Variants in HOXA9 observed in about 807,000 individuals in gnomAD.
The protein encoded by HOXA9 is homeobox A9.
A neutral mutation model predicts 19.0 loss-of-function variants in HOXA9; 18 were observed. The observed-to-expected ratio is 0.95, with a 90% confidence interval of 0.65 to 1.40. The LOEUF (loss-of-function observed/expected upper bound fraction) is 1.40, where lower values mean the gene tolerates loss of function less well. Among genes scored for constraint, HOXA9 ranks in the 40% most tolerant of loss-of-function variants. The pLI is 0.00. For synonymous variants in HOXA9, 198 were observed against 161.1 expected, an observed-to-expected ratio of 1.23 and a Z score of -1.73; for missense variants, 443 against 372.2, an observed-to-expected ratio of 1.19 and a Z score of -1.57.
In HOXA9 at chr7:27,162,649, C is replaced by A. The variant is rs1783223327; in HGVS notation, c.*954G>T. 1 of 209,796 alleles carries A rather than the reference C, an allele frequency of 4.8e-6. No homozygotes were observed. The highest frequency in any genetic ancestry group is 9.7e-6 in the Non-Finnish European group (1 of 102,950). 13.0% of individuals were successfully genotyped at this position (209,796 alleles called of 1,614,324 possible). A position where few individuals can be genotyped will look rare whatever the true frequency, so the allele number is the denominator to read the frequency against. On this transcript the variant is annotated 3_prime_UTR_variant, in exon 2 of 2. Transcript: ENST00000343483. ...ATTATCAATAAAATTAACTCCGTTA[C>A]AATCAGCATTCATTTCCTCCAATTA...
intron 1 of HOXA9, among the ~76,000 whole-genome samples, chr7:27,164,672 T>C (rs1783278715): frequency 6.6e-6 from 1 of 152,076 alleles, no homozygotes; most frequent in Non-Finnish European, 1.5e-5. Context: ...CCGCCTCCTC[T>C]CCCGTAGCCC....
At position 27,165,191 on chromosome 7, in the gene HOXA9, G is replaced by A. The variant is rs1232547055; in HGVS notation, c.267C>T (p.His89=). 5 of 1,593,148 alleles carry A rather than the reference G, an allele frequency of 3.1e-6. No individual in the cohort carries two copies. The highest frequency in any genetic ancestry group is 1.7e-5 in the Admixed American group (1 of 57,836). The change falls in exon 1 of 2, where the codon CAC becomes CAT. Residue 89 remains histidine (H), a synonymous_variant. Coordinates refer to ENST00000343483, the MANE Select transcript of HOXA9 (RefSeq NM_152739.4). ...CGGGCGCCTGGGGGTGCACGTAGGGGTGGTGGTGATGGTGGTGGTACACCG... is the reference window on the plus strand; with the variant it reads ...CGGGCGCCTGGGGGTGCACGTAGGGATGGTGGTGATGGTGGTGGTACACCG... ...PAAVYHHHHH[H]PYVHPQAPVA...
intron 1 of HOXA9, among the ~76,000 whole-genome samples, chr7:27,164,205 G>T (rs1231065429): frequency 2.0e-5 from 3 of 152,214 alleles, no homozygotes. Context: ...GCAAGATTAG[G>T]ATTCCTCTGT....
At position 27,163,669 on chromosome 7, in the gene HOXA9, C is replaced by A; in HGVS notation, c.753G>T (p.Lys251Asn). 14 of 1,613,894 alleles carry A rather than the reference C, an allele frequency of 8.7e-6. No individual in the cohort carries two copies. The highest frequency in any genetic ancestry group is 1.2e-5 in the Non-Finnish European group (14 of 1,179,988). The change falls in exon 2 of 2, where the codon AAG (lysine) becomes AAT (asparagine). Residue 251 changes from lysine (K) to asparagine (N), a missense_variant. Physicochemically the swap from Lys to Asn is moderately conservative, Grantham distance 94. Transcript: ENST00000343483. Reference protein sequence around the residue: ...RLLNLTERQVKIWFQNRRMKM... With the variant: ...RLLNLTERQVNIWFQNRRMKM... ...TCATCCTGCGGTTCTGGAACCAGAT[C>A]TTGACCTGCCTCTCGGTGAGGTTGA...
chr7:27,162,627 A>G lies in HOXA9; in HGVS notation c.*976T>C, dbSNP rs1162366011. Reference sequence around the variant, plus strand: ...GCGGTTTCATAGTGTATAATTTATTATCAATAAAATTAACTCCGTTACAAT... The same window carrying G: ...GCGGTTTCATAGTGTATAATTTATTGTCAATAAAATTAACTCCGTTACAAT... On this transcript the variant is annotated 3_prime_UTR_variant, in exon 2 of 2. Transcript: ENST00000343483. The G allele has an allele frequency of 4.8e-6, 1 of 208,616 alleles. No individual in the cohort carries two copies. Among genetic ancestry groups the G allele is most frequent in the East Asian group, 7.3e-5 (1 of 13,730 alleles). The allele number at this position is 208,616 out of a possible 1,614,324, so 12.9% of individuals were successfully genotyped here. A position where few individuals can be genotyped will look rare whatever the true frequency, so the allele number is the denominator to read the frequency against.
chr7:27,164,607 C>T (rs999118425), intron 1 of HOXA9, among the ~76,000 whole-genome samples: 1 of 152,252 alleles, frequency 6.6e-6, no homozygotes, highest in Non-Finnish European at 1.5e-5. Flanking sequence ...AGGAGAGGGG[C>T]GGCCAGTCTT....
rs890555446 is a variant in HOXA9, at chr7:27,163,403, T to C, written c.*200A>G. 11 of 601,482 alleles carry C rather than the reference T, an allele frequency of 1.8e-5. No homozygotes were observed. The Middle Eastern group carries it at 1.3e-3, about 74-fold the overall frequency. The allele number at this position is 601,482 out of a possible 1,614,324, so 37.3% of individuals were successfully genotyped here. On this transcript the variant is annotated 3_prime_UTR_variant, in exon 2 of 2. Transcript: ENST00000343483. ...AAAATGGAAAGCTTACAATACCTCCTCCATCAAAGCGGCAGGCCTACGAGC... is the reference window on the plus strand; with the variant it reads ...AAAATGGAAAGCTTACAATACCTCCCCCATCAAAGCGGCAGGCCTACGAGC...
Position 27,163,353 on chromosome 7 carries a change from C to A in HOXA9, c.*250G>T, listed in dbSNP as rs535353485. ...ACAGCTATCAGCACTAATGCCCCCC[C>A]CTCAACTTTTCCTTTTTCTTATAGA... is the stretch of plus-strand genomic sequence containing the variant. On this transcript the variant is annotated 3_prime_UTR_variant, in exon 2 of 2. Coordinates refer to ENST00000343483, the MANE Select transcript of HOXA9 (RefSeq NM_152739.4). 30 of 488,758 alleles carry A rather than the reference C, an allele frequency of 6.1e-5. No homozygotes were observed. The East Asian group carries it at 9.9e-4, about 16-fold the overall frequency. The allele number at this position is 488,758 out of a possible 1,614,324, so 30.3% of individuals were successfully genotyped here. A position where few individuals can be genotyped will look rare whatever the true frequency, so the allele number is the denominator to read the frequency against.
rs1380247170 is a variant in HOXA9 at position 27,163,777 on chromosome 7, T to C, written c.645A>G (p.Lys215=). The change falls in exon 2 of 2, where the codon AAA becomes AAG. Residue 215 remains lysine (K), a synonymous_variant. Transcript: ENST00000343483. ...STRKKRCPYT[K]HQTLELEKEF... ...CTTTCTCCAGTTCCAGGGTCTGGTGTTTTGTATAGGGGCACCGCTTTTTCC... is the reference window on the plus strand; with the variant it reads ...CTTTCTCCAGTTCCAGGGTCTGGTGCTTTGTATAGGGGCACCGCTTTTTCC... 6.2e-7 allele frequency: 1 copy of C among 1,613,972 alleles called. No individual in the cohort carries two copies. The highest frequency in any genetic ancestry group is 8.5e-7 in the Non-Finnish European group (1 of 1,179,978).
rs770578169 is a variant in HOXA9 at position 27,163,672 on chromosome 7, G to C, written c.750C>G (p.Val250=). Residue 250 remains valine, a synonymous_variant, in exon 2 of 2, where the codon GTC becomes GTG. Coordinates refer to ENST00000343483, the MANE Select transcript of HOXA9 (RefSeq NM_152739.4). ...TCCTGCGGTTCTGGAACCAGATCTT[G>C]ACCTGCCTCTCGGTGAGGTTGAGCA... The part of the protein sequence containing the change: ...ARLLNLTERQ[V]KIWFQNRRMK... The C allele has an allele frequency of 6.8e-6, 11 of 1,613,696 alleles. No individual in the cohort carries two copies. In the South Asian group the frequency reaches 7.7e-5, roughly 11 times the overall value.
intron 1 of HOXA9, 70 bp downstream of exon 1, chr7:27,164,808 C>T: frequency 6.4e-7 from 1 of 1,562,738 alleles, no homozygotes; most frequent in Non-Finnish European, 8.7e-7. Flanking sequence ...TCGAGAGAAA[C>T]CTGGCGGGCC....
rs1047830842 is a variant in HOXA9 at position 27,163,398 on chromosome 7, C to G, written c.*205G>C. ...TATAGAAAATGGAAAGCTTACAATA[C>G]CTCCTCCATCAAAGCGGCAGGCCTA... On this transcript the variant is annotated 3_prime_UTR_variant, in exon 2 of 2. Transcript: ENST00000343483. The G allele has an allele frequency of 8.5e-6, 5 of 587,216 alleles. No homozygotes were observed. Among genetic ancestry groups the G allele is most frequent in the Non-Finnish European group, 1.5e-5 (5 of 329,790 alleles). 36.4% of individuals were successfully genotyped at this position (587,216 alleles called of 1,614,324 possible). A position where few individuals can be genotyped will look rare whatever the true frequency, so the allele number is the denominator to read the frequency against.
rs1364035326 is a variant in HOXA9 at position 27,165,191 on chromosome 7, G to GTGGTGGTGA, written c.258_266dup (p.His87_His89dup). 1 of 1,593,266 alleles carries GTGGTGGTGA rather than the reference G, an allele frequency of 6.3e-7. No homozygotes were observed. Among genetic ancestry groups the GTGGTGGTGA allele is most frequent in the Admixed American group, 1.7e-5 (1 of 57,856 alleles). On this transcript the variant is annotated inframe_insertion, in exon 1 of 2. Coordinates refer to ENST00000343483, the MANE Select transcript of HOXA9 (RefSeq NM_152739.4). ...CGGGCGCCTGGGGGTGCACGTAGGGGTGGTGGTGATGGTGGTGGTACACCG... is the reference window on the plus strand; with the variant it reads ...CGGGCGCCTGGGGGTGCACGTAGGGGTGGTGGTGATGGTGGTGATGGTGGTGGTACACCG...
rs2128068313 is a variant in HOXA9, at chr7:27,163,795, CT to C, written c.626del (p.Lys209SerfsTer51). ...NWLHARSTRK[K>X]RCPYTKHQTL... Reference sequence around the variant, plus strand: ...TCTGGTGTTTTGTATAGGGGCACCGCTTTTTCCGAGTGGAGCGCGCATGAAG... The same window carrying C: ...TCTGGTGTTTTGTATAGGGGCACCGCTTTTCCGAGTGGAGCGCGCATGAAG... On this transcript the variant is annotated frameshift_variant, in exon 2 of 2. Transcript: ENST00000343483. LOFTEE classifies it high-confidence loss of function. 1.9e-6 allele frequency: 3 copies of C among 1,613,992 alleles called. No homozygotes were observed. The highest frequency in any genetic ancestry group is 2.5e-6 in the Non-Finnish European group (3 of 1,180,012).
chr7:27,163,520 G>T lies in HOXA9; in HGVS notation c.*83C>A. Reference sequence around the variant, plus strand: ...GGTGGAGGCTAGGGTGGGGGTGAGAGAAGGGAGAAGGCGGAAGGGGGACGG... The same window carrying T: ...GGTGGAGGCTAGGGTGGGGGTGAGATAAGGGAGAAGGCGGAAGGGGGACGG... On this transcript the variant is annotated 3_prime_UTR_variant, in exon 2 of 2. Coordinates refer to ENST00000343483, the MANE Select transcript of HOXA9 (RefSeq NM_152739.4). 1 of 1,126,526 alleles carries T rather than the reference G, an allele frequency of 8.9e-7. No homozygotes were observed. 69.8% of individuals were successfully genotyped at this position (1,126,526 alleles called of 1,614,324 possible).
chr7:27,163,465 C>T lies in HOXA9; in HGVS notation c.*138G>A. On this transcript the variant is annotated 3_prime_UTR_variant, in exon 2 of 2. Coordinates refer to ENST00000343483, the MANE Select transcript of HOXA9 (RefSeq NM_152739.4). ...GGGTTTGCCTTGGAAAAGATGTGGC[C>T]TGAGGTTTAGAGCCGCTTTGTGCGG... 1.3e-6 allele frequency: 1 copy of T among 740,798 alleles called. No individual in the cohort carries two copies. Among genetic ancestry groups the T allele is most frequent in the South Asian group, 1.7e-5 (1 of 57,524 alleles). 45.9% of individuals were successfully genotyped at this position (740,798 alleles called of 1,614,324 possible).
chr7:27,164,877 C>A lies in HOXA9; in HGVS notation c.580+1G>T. The stretch of plus-strand genomic sequence containing the variant: ...CGGATTTGAAGGGAGGAGACACTTA[C>A]TGGGATCGATGGGGGGCTTGTCTCC... On this transcript the variant is annotated splice_donor_variant, in intron 1 of 1. Coordinates refer to ENST00000343483, the MANE Select transcript of HOXA9 (RefSeq NM_152739.4). LOFTEE classifies it high-confidence loss of function. 1 of 1,613,228 alleles carries A rather than the reference C, an allele frequency of 6.2e-7. No homozygotes were observed. Among genetic ancestry groups the A allele is most frequent in the Non-Finnish European group, 8.5e-7 (1 of 1,179,472 alleles).
chr7:27,163,438 C>G lies in HOXA9; in HGVS notation c.*165G>C. 2 of 662,736 alleles carry G rather than the reference C, an allele frequency of 3.0e-6. No individual in the cohort carries two copies. Among genetic ancestry groups the G allele is most frequent in the Admixed American group, 4.8e-5 (2 of 41,528 alleles). The allele number at this position is 662,736 out of a possible 1,614,324, so 41.1% of individuals were successfully genotyped here. A position where few individuals can be genotyped will look rare whatever the true frequency, so the allele number is the denominator to read the frequency against. On this transcript the variant is annotated 3_prime_UTR_variant, in exon 2 of 2. Coordinates refer to ENST00000343483, the MANE Select transcript of HOXA9 (RefSeq NM_152739.4). ...CGGCAGGCCTACGAGCCAGCCTGAACAGGGTTTGCCTTGGAAAAGATGTGG... is the reference window on the plus strand; with the variant it reads ...CGGCAGGCCTACGAGCCAGCCTGAAGAGGGTTTGCCTTGGAAAAGATGTGG...
intron 1 of HOXA9, 97 bp downstream of exon 1, chr7:27,164,781 C>T: frequency 2.0e-6 from 3 of 1,528,250 alleles, no homozygotes; most frequent in East Asian, 2.3e-5. Flanking sequence ...AGGCTTCCAG[C>T]GAGGACGAAG....
Sources: gnomAD v4.1 joint callset for allele counts (sites outside exome capture counted in the v4.1 genomes callset) on GRCh38, gnomAD v4.1.1 for gene constraint, MANE v1.5 for transcripts, NCBI Gene and HGNC (gene_info 2026-07-23, HGNC 2026-07-21) for gene names.